DENND1A: variants seen among roughly 807,000 people sequenced by gnomAD.
DENND1A encodes the protein DENN domain containing 1A, also known as DENN domain-containing protein 1A.
A neutral mutation model predicts 113.7 loss-of-function variants in DENND1A; 51 were observed. The ratio of observed to expected loss-of-function variants is 0.45; its 90% CI spans 0.36 to 0.57. DENND1A has a LOEUF of 0.57. Among genes scored for constraint, DENND1A ranks in the 20% least tolerant of loss-of-function variants. The pLI is 0.00. For synonymous variants in DENND1A, 565 were observed against 570.8 expected, an observed-to-expected ratio of 0.99 and a Z score of 0.14; for missense variants, 1,258 against 1,395.9, an observed-to-expected ratio of 0.90 and a Z score of 1.57.
In DENND1A at chr9:123,482,150, C is replaced by A. The variant is rs550823928; in HGVS notation, c.994-24253G>T. Among the ~76,000 whole-genome samples the A allele has an allele frequency of 7.4e-4, 110 of 148,946 alleles. No individual in the cohort carries two copies. In the South Asian group the frequency reaches 0.023, roughly 32 times the overall value. The stretch of plus-strand genomic sequence containing the variant: ...TCTCGCTCTGTTGCCCAGGCTGGAG[C>A]GCAGTGGCGCGATCTTGGTTCACTG... On this transcript the variant is annotated intron_variant, in intron 13 of 23. Coordinates refer to ENST00000394215, the MANE Select transcript of DENND1A (RefSeq NM_001352964.2).
At chr9:123,425,966 C>T (rs1299542712) in intron 19 of DENND1A, among the ~76,000 whole-genome samples, 3 of 152,198 alleles carry the variant, frequency 2.0e-5, no homozygotes, top group Admixed American at 6.5e-5. Flanking sequence ...AGCTGGTGAA[C>T]AAATAAATAC....
At chr9:123,884,734 T>C (rs1164810835) in intron 1 of DENND1A, among the ~76,000 whole-genome samples, 2 of 152,054 alleles carry the variant, frequency 1.3e-5, no homozygotes, top group South Asian at 4.1e-4. Context: ...CCACAGGTAA[T>C]ACTACTCCCG....
At chr9:123,607,520 CAGAGAGAGAGAG>C (rs33997878) in intron 11 of DENND1A, among the ~76,000 whole-genome samples, 1 of 73,876 alleles carries the variant, frequency 1.4e-5, no homozygotes, top group Non-Finnish European at 2.6e-5. Flanking sequence ...CACACACACA[CAGAGAGAGAGAG>C]AGAGAGAGAG....
At chr9:123,825,161 C>T (rs895393977) in intron 2 of DENND1A, among the ~76,000 whole-genome samples, 1 of 151,850 alleles carries the variant, frequency 6.6e-6, no homozygotes, top group African/African-American at 2.4e-5. Flanking sequence ...TTTCTTATCA[C>T]GTAAAATTAA....
chr9:123,827,210 C>T (rs1312513983), intron 2 of DENND1A, among the ~76,000 whole-genome samples: 1 of 152,044 alleles, frequency 6.6e-6, no homozygotes, highest in African/African-American at 2.4e-5. Flanking sequence ...ACATCACATG[C>T]ATCCTATTTG....
chr9:123,820,093 G>T (rs1838218223), intron 2 of DENND1A, among the ~76,000 whole-genome samples: 1 of 152,110 alleles, frequency 6.6e-6, no homozygotes, highest in South Asian at 2.1e-4. Flanking sequence ...GGGGGTAAAA[G>T]TGAGGGACAA....
At chr9:123,779,158 G>A (rs747599452) in intron 3 of DENND1A, among the ~76,000 whole-genome samples, 6 of 151,946 alleles carry the variant, frequency 3.9e-5, no homozygotes, top group Non-Finnish European at 8.8e-5. Context: ...TTTGGGGTTT[G>A]TTTGGCTTAG....
At chr9:123,812,281 ATGTTGCTTC>A (rs1836748441) in intron 2 of DENND1A, among the ~76,000 whole-genome samples, 2 of 152,344 alleles carry the variant, frequency 1.3e-5, no homozygotes, top group African/African-American at 4.8e-5. Context: ...AGAATTACTC[ATGTTGCTTC>A]AAGCAGATTG....
chr9:123,690,258 T>C (rs2065108307), intron 5 of DENND1A, among the ~76,000 whole-genome samples: 2 of 152,150 alleles, frequency 1.3e-5, no homozygotes, highest in African/African-American at 4.8e-5. Context: ...CTAATAGTGG[T>C]TTTTCTAGAT....
chr9:123,509,608 C>T lies in DENND1A; in HGVS notation c.993+47962G>A, dbSNP rs184241765. ...CACTTGCATTTTCAGTCCTTTACTA[C>T]TCTTGGGTGGCACCAAGCAAGCCCC... On this transcript the variant is annotated intron_variant, in intron 13 of 23. Transcript: ENST00000394215. Among the ~76,000 whole-genome samples, 20 of 152,316 alleles carry T rather than the reference C, an allele frequency of 1.3e-4. No individual in the cohort carries two copies. The East Asian group carries it at 3.7e-3, about 28-fold the overall frequency.
chr9:123,533,731 T>C (rs1210671017), intron 13 of DENND1A, among the ~76,000 whole-genome samples: 1 of 152,122 alleles, frequency 6.6e-6, no homozygotes, highest in South Asian at 2.1e-4. Context: ...TCCAATAGAG[T>C]TTCTGAATTC....
At chr9:123,802,447 T>C (rs1319207896) in intron 2 of DENND1A, among the ~76,000 whole-genome samples, 1 of 152,274 alleles carries the variant, frequency 6.6e-6, no homozygotes, top group Non-Finnish European at 1.5e-5. Context: ...GGGTTATTCC[T>C]CATCCTTGAC....
At chr9:123,768,810 A>AAG (rs57359983) in intron 4 of DENND1A, among the ~76,000 whole-genome samples, 4 of 149,228 alleles carry the variant, frequency 2.7e-5, no homozygotes, top group Admixed American at 6.6e-5. Context: ...AAAAAAAAAA[A>AAG]CTCCTCTAAA....
At chr9:123,444,683 G>A (rs1046049867) in intron 18 of DENND1A, among the ~76,000 whole-genome samples, 3 of 152,146 alleles carry the variant, frequency 2.0e-5, no homozygotes, top group African/African-American at 7.2e-5. Context: ...TGGGGAAGAA[G>A]TATTTAGTGG....
Position 123,436,875 on chromosome 9 carries a change from G to A in DENND1A, c.1488+3485C>T, listed in dbSNP as rs138694800. On this transcript the variant is annotated intron_variant, in intron 19 of 23. Coordinates refer to ENST00000394215, the MANE Select transcript of DENND1A (RefSeq NM_001352964.2). The stretch of plus-strand genomic sequence containing the variant: ...CAATTCTCATGCCTCACCCTTCCGA[G>A]CAGCTGGGATTACAGGTGCCTGCCA... Among the ~76,000 whole-genome samples the A allele has an allele frequency of 2.6e-5, 4 of 152,132 alleles. No individual in the cohort carries two copies. In the East Asian group the frequency reaches 7.7e-4, roughly 29 times the overall value.
chr9:123,780,724 A>G (rs927993083), intron 3 of DENND1A, among the ~76,000 whole-genome samples: 5 of 152,170 alleles, frequency 3.3e-5, no homozygotes, highest in Non-Finnish European at 5.9e-5. Context: ...AAATTGACCT[A>G]TAGGAGTTTC....
At chr9:123,837,309 G>A (rs753674066) in intron 2 of DENND1A, among the ~76,000 whole-genome samples, 9 of 152,038 alleles carry the variant, frequency 5.9e-5, no homozygotes, top group African/African-American at 1.2e-4. Flanking sequence ...TTCACAATTA[G>A]CACCCCCTTG....
chr9:123,484,432 A>G (rs542782411), intron 13 of DENND1A, among the ~76,000 whole-genome samples: 107 of 152,210 alleles, frequency 7.0e-4, no homozygotes, highest in Non-Finnish European at 1.2e-3. Flanking sequence ...AAATCCTTCA[A>G]TGGTTATCAT....
intron 22 of DENND1A, among the ~76,000 whole-genome samples, chr9:123,386,868 T>C (rs79716181): frequency 6.6e-6 from 1 of 152,214 alleles, no homozygotes; most frequent in African/African-American, 2.4e-5. Context: ...AGGGACCTGA[T>C]GCTGGGGTTT....
Sources: allele counts gnomAD v4.1 joint callset (sites outside exome capture counted in the v4.1 genomes callset), GRCh38; gene constraint gnomAD v4.1.1; transcripts MANE v1.5; gene names NCBI Gene and HGNC (gene_info 2026-07-23, HGNC 2026-07-21).